The following ATRNL1 variants were observed in gnomAD, a reference collection of about 807,000 sequenced individuals.
ATRNL1 encodes the protein attractin like 1, also known as attractin-like protein 1.
Under a neutral mutation model 182.7 loss-of-function variants are expected in ATRNL1, and 95 were observed. The ratio of observed to expected loss-of-function variants is 0.52; its 90% CI spans 0.44 to 0.62. ATRNL1 has a LOEUF of 0.62. ATRNL1 is among the 20% of genes least tolerant of loss of function. The pLI, the probability that ATRNL1 is intolerant of heterozygous loss-of-function variation, is 0.00. For missense variants in ATRNL1, 1,471 were observed against 1,679.5 expected (o/e 0.88, Z 2.17); for synonymous variants, 576 against 568.3 (o/e 1.01, Z -0.19).
chr10:115,638,251 C>A (rs1555028999), intron 26 of ATRNL1, among the ~76,000 whole-genome samples: 1 of 152,144 alleles, frequency 6.6e-6, no homozygotes, highest in African/African-American at 2.4e-5. Context: ...TGCCTACAGT[C>A]TTCAGTACAG....
chr10:115,574,507 C>A (rs1854594015), intron 26 of ATRNL1, among the ~76,000 whole-genome samples: 1 of 152,024 alleles, frequency 6.6e-6, no homozygotes, highest in South Asian at 2.1e-4. Context: ...ATATCATTAT[C>A]AAAAATATTT....
intron 27 of ATRNL1, among the ~76,000 whole-genome samples, chr10:115,770,910 G>C (rs896054786): frequency 1.3e-5 from 2 of 152,040 alleles, no homozygotes; most frequent in African/African-American, 4.8e-5. Flanking sequence ...TTTAAGTCAG[G>C]TGCTTTTAAA....
intron 26 of ATRNL1, among the ~76,000 whole-genome samples, chr10:115,551,554 A>G (rs889943429): frequency 6.6e-6 from 1 of 151,434 alleles, no homozygotes; most frequent in African/African-American, 2.4e-5. Flanking sequence ...ATTAAAGTGT[A>G]TAATAGTGTT....
At chr10:115,679,170 T>C (rs1945967219) in intron 26 of ATRNL1, among the ~76,000 whole-genome samples, 1 of 152,124 alleles carries the variant, frequency 6.6e-6, no homozygotes, top group Non-Finnish European at 1.5e-5. Context: ...TCTTTGGCCA[T>C]ATCTGAAGTA....
chr10:115,375,618 C>G (rs1392676805), intron 19 of ATRNL1, among the ~76,000 whole-genome samples: 2 of 151,368 alleles, frequency 1.3e-5, no homozygotes, highest in Non-Finnish European at 3.0e-5. Flanking sequence ...TTTTCTTTAT[C>G]TTTTGTGCAT....
intron 17 of ATRNL1, among the ~76,000 whole-genome samples, chr10:115,314,816 C>CA (rs781864917): frequency 6.6e-6 from 1 of 151,974 alleles, no homozygotes; most frequent in African/African-American, 2.4e-5. Flanking sequence ...AACAAAAAGA[C>CA]AAAAAACCAA....
chr10:115,761,422 T>G (rs1364744402), intron 27 of ATRNL1, among the ~76,000 whole-genome samples: 4 of 152,168 alleles, frequency 2.6e-5, no homozygotes, highest in Non-Finnish European at 5.9e-5. Context: ...GACCACCTGC[T>G]GATCCAGATA....
chr10:115,228,700 CT>C, intron 9 of ATRNL1, among the ~76,000 whole-genome samples: 2 of 151,110 alleles, frequency 1.3e-5, no homozygotes, highest in South Asian at 4.2e-4. Flanking sequence ...TAATTATCAA[CT>C]TTTTATTTTT....
intron 28 of ATRNL1, among the ~76,000 whole-genome samples, chr10:115,852,876 C>A (rs1555100896): frequency 6.6e-6 from 1 of 152,178 alleles, no homozygotes; most frequent in Non-Finnish European, 1.5e-5. Context: ...GCTCATGAAA[C>A]TATGACTCGG....
At chr10:115,746,455 G>A (rs1948294747) in intron 27 of ATRNL1, among the ~76,000 whole-genome samples, 1 of 151,972 alleles carries the variant, frequency 6.6e-6, no homozygotes, top group Non-Finnish European at 1.5e-5. Flanking sequence ...CTTATTAAGT[G>A]AGATTGTTTT....
At chr10:115,480,815 G>A (rs151282468) in intron 24 of ATRNL1, among the ~76,000 whole-genome samples, 261 of 151,056 alleles carry the variant, frequency 1.7e-3, no homozygotes, top group African/African-American at 5.6e-3. Context: ...GAAAAAGTTC[G>A]TTGACTTTTT....
chr10:115,171,954 G>A (rs1186061515), intron 8 of ATRNL1, among the ~76,000 whole-genome samples: 1 of 152,000 alleles, frequency 6.6e-6, no homozygotes, highest in African/African-American at 2.4e-5. Flanking sequence ...TGGTTATTCA[G>A]ATTCAAGAAA....
At chr10:115,400,048 TTCTATCA>T (rs1554956577) in intron 20 of ATRNL1, among the ~76,000 whole-genome samples, 1 of 151,928 alleles carries the variant, frequency 6.6e-6, no homozygotes, top group Non-Finnish European at 1.5e-5. Context: ...AAAGTCTAAT[TTCTATCA>T]TCTATAAGGA....
At chr10:115,261,907 G>T (rs564065921) in intron 10 of ATRNL1, among the ~76,000 whole-genome samples, 2 of 152,022 alleles carry the variant, frequency 1.3e-5, no homozygotes, top group African/African-American at 2.4e-5. Context: ...ACTGAATATT[G>T]CTCTAAACAA....
chr10:115,492,309 T>G (rs1849337254), intron 24 of ATRNL1, among the ~76,000 whole-genome samples: 1 of 152,148 alleles, frequency 6.6e-6, no homozygotes, highest in African/African-American at 2.4e-5. Context: ...GTTATTTCTT[T>G]TTTTGGAGGT....
At chr10:115,250,691 T>A (rs1554905200) in intron 10 of ATRNL1, among the ~76,000 whole-genome samples, 1 of 152,248 alleles carries the variant, frequency 6.6e-6, no homozygotes, top group Admixed American at 6.5e-5. Context: ...GGTCTTTTAA[T>A]TCAGATGAGC....
At chr10:115,415,567 A>G (rs1845349667) in intron 20 of ATRNL1, among the ~76,000 whole-genome samples, 1 of 151,662 alleles carries the variant, frequency 6.6e-6, no homozygotes, top group Non-Finnish European at 1.5e-5. Context: ...TAAAAATTAC[A>G]TTTGGAATTT....
At chr10:115,544,858 A>G (rs954191539) in intron 25 of ATRNL1, among the ~76,000 whole-genome samples, 2 of 152,194 alleles carry the variant, frequency 1.3e-5, no homozygotes, top group Non-Finnish European at 2.9e-5. Flanking sequence ...CACCAAAGGA[A>G]GAATATAACT....
chr10:115,736,893 G>A lies in ATRNL1; in HGVS notation c.3903+9538G>A, dbSNP rs139757035. On this transcript the variant is annotated intron_variant, in intron 27 of 28. Coordinates refer to ENST00000355044, the MANE Select transcript of ATRNL1 (RefSeq NM_207303.4). ...GGTGATTCTCCTGCCTCAGCCTCCC[G>A]AGTAGCTGGGACTACAGGTGTGTGC... Among the ~76,000 whole-genome samples the A allele has an allele frequency of 3.0e-3, 451 of 152,132 alleles. 2 individuals carry two copies. Among genetic ancestry groups the A allele is most frequent in the African/African-American group, 0.01 (421 of 41,496 alleles).
Sources: gnomAD v4.1 joint callset for allele counts (sites outside exome capture counted in the v4.1 genomes callset) on GRCh38, gnomAD v4.1.1 for gene constraint, MANE v1.5 for transcripts, NCBI Gene and HGNC (gene_info 2026-07-23, HGNC 2026-07-21) for gene names.